The following LRMDA variants were observed in gnomAD, a reference collection of about 807,000 sequenced individuals.
The protein encoded by LRMDA is leucine rich melanocyte differentiation associated.
LRMDA carries 18 observed loss-of-function variants against 29.8 expected under a neutral mutation model. The observed-to-expected ratio is 0.60, with a 90% CI of 0.42 to 0.90. LRMDA has a LOEUF of 0.90. Ranked by LOEUF, LRMDA falls within the 40% of genes least tolerant of loss-of-function variation. The probability of loss-of-function intolerance (pLI) is 0.00; values close to 1 mark genes in which losing one functional copy is unlikely to be tolerated. For missense variants in LRMDA, 273 were observed against 273.9 expected, an observed-to-expected ratio of 1.00 and a Z score of 0.02; for synonymous variants, 125 against 109.4, an observed-to-expected ratio of 1.14 and a Z score of -0.89.
chr10:76,220,290 A>G (rs986570701), intron 5 of LRMDA, among the ~76,000 whole-genome samples: 14 of 152,206 alleles, frequency 9.2e-5, no homozygotes, highest in Non-Finnish European at 1.3e-4. Context: ...AAGGAAATAG[A>G]GACACAAAAA....
intron 2 of LRMDA, among the ~76,000 whole-genome samples, chr10:75,939,595 T>C (rs1846353608): frequency 6.6e-6 from 1 of 152,136 alleles, no homozygotes; most frequent in Non-Finnish European, 1.5e-5. Flanking sequence ...TTTGGACCCA[T>C]GGGAAAGAGA....
rs551821536 is a variant in LRMDA, at chr10:76,204,613, C to T, written c.517-119788C>T. The stretch of plus-strand genomic sequence containing the variant: ...CCTCAGATGGTATAGGGGAAAATTA[C>T]GACTAATCCCCAATTGTAGGTCCAG... On this transcript the variant is annotated intron_variant, in intron 5 of 6. Transcript: ENST00000611255. Among the ~76,000 whole-genome samples the T allele has an allele frequency of 1.3e-4, 20 of 152,230 alleles. No individual in the cohort carries two copies. The South Asian group carries it at 1.7e-3, about 13-fold the overall frequency.
At chr10:76,091,276 C>CGT (rs56145957) in intron 5 of LRMDA, among the ~76,000 whole-genome samples, 9,490 of 146,624 alleles carry the variant, frequency 0.065, 427 homozygotes, top group East Asian at 0.13. Flanking sequence ...ACATGGTGGA[C>CGT]GTGTGTGTGT....
chr10:75,678,879 G>C (rs534566091), intron 2 of LRMDA, among the ~76,000 whole-genome samples: 1 of 152,154 alleles, frequency 6.6e-6, no homozygotes, highest in South Asian at 2.1e-4. Context: ...CCAAGGACTC[G>C]AAGGATGTGG....
At chr10:75,491,886 C>T (rs2132061440) in intron 2 of LRMDA, among the ~76,000 whole-genome samples, 1 of 152,262 alleles carries the variant, frequency 6.6e-6, no homozygotes, top group East Asian at 1.9e-4. Context: ...AGAGGCAAAA[C>T]AATTGATAAA....
intron 5 of LRMDA, 144 bp from the exon 6 acceptor site, chr10:76,324,257 A>T (rs930472908): frequency 2.6e-6 from 2 of 759,256 alleles, no homozygotes; most frequent in African/African-American, 3.5e-5. Context: ...ATCTCAACAA[A>T]AACAGCTCTT....
intron 6 of LRMDA, among the ~76,000 whole-genome samples, chr10:76,532,489 T>C (rs1252704937): frequency 6.6e-6 from 1 of 152,164 alleles, no homozygotes; most frequent in East Asian, 1.9e-4. Context: ...CAAAGATGAG[T>C]CAGACAGTAT....
intron 2 of LRMDA, among the ~76,000 whole-genome samples, chr10:75,455,520 C>T (rs571625175): frequency 1.3e-5 from 2 of 152,312 alleles, no homozygotes; most frequent in Non-Finnish European, 2.9e-5. Flanking sequence ...TTTCAGTTCT[C>T]TCCTACTGGG....
chr10:75,562,298 T>C (rs958321056), intron 2 of LRMDA, among the ~76,000 whole-genome samples: 5 of 152,134 alleles, frequency 3.3e-5, no homozygotes, highest in Admixed American at 1.3e-4. Context: ...GCCTTCTTTG[T>C]CTCTTTTGAT....
chr10:76,258,019 G>A (rs559140156), intron 5 of LRMDA, among the ~76,000 whole-genome samples: 9 of 152,218 alleles, frequency 5.9e-5, no homozygotes, highest in Admixed American at 3.9e-4. Flanking sequence ...GCATTTCCTT[G>A]TATAACATTT....
At position 75,833,171 on chromosome 10, in the gene LRMDA, A is replaced by G. The variant is rs1844375911; in HGVS notation, c.132-202837A>G. On this transcript the variant is annotated intron_variant, in intron 2 of 6. Coordinates refer to ENST00000611255, the MANE Select transcript of LRMDA (RefSeq NM_001305581.2). ...TGCACCAGAAAATAGCACAAACGAC[A>G]TTGTTTAATGCATCCTAATTTTAAT... 2.0e-5 allele frequency among the ~76,000 whole-genome samples: 3 copies of G among 152,194 alleles called. 1 individual carries two copies. Among genetic ancestry groups the G allele is most frequent in the South Asian group, 4.1e-4 (2 of 4,830 alleles).
chr10:75,532,651 G>A (rs1405345403), intron 2 of LRMDA, among the ~76,000 whole-genome samples: 2 of 152,050 alleles, frequency 1.3e-5, no homozygotes, highest in African/African-American at 2.4e-5. Context: ...TTGAAGTCCT[G>A]CTTGAGTCAT....
At chr10:75,730,155 A>G (rs1010015754) in intron 2 of LRMDA, among the ~76,000 whole-genome samples, 1 of 152,036 alleles carries the variant, frequency 6.6e-6, no homozygotes, top group African/African-American at 2.4e-5. Context: ...TTCTTTTATA[A>G]CACACCACTA....
intron 2 of LRMDA, among the ~76,000 whole-genome samples, chr10:75,786,227 A>G (rs1439343803): frequency 6.6e-6 from 1 of 152,190 alleles, no homozygotes; most frequent in African/African-American, 2.4e-5. Context: ...GGGCGGTATG[A>G]AAAGTGTGGG....
intron 5 of LRMDA, among the ~76,000 whole-genome samples, chr10:76,303,585 G>A (rs1368211747): frequency 6.6e-6 from 1 of 152,098 alleles, no homozygotes; most frequent in Non-Finnish European, 1.5e-5. Context: ...CTATCATTTA[G>A]TGGGTAGTAC....
intron 5 of LRMDA, among the ~76,000 whole-genome samples, chr10:76,302,417 T>G (rs892885948): frequency 1.3e-5 from 2 of 152,202 alleles, no homozygotes; most frequent in African/African-American, 4.8e-5. Context: ...CAGGGTCACT[T>G]CCATTTTGTG....
chr10:76,246,129 G>A (rs958378439), intron 5 of LRMDA, among the ~76,000 whole-genome samples: 2 of 152,124 alleles, frequency 1.3e-5, no homozygotes, highest in African/African-American at 2.4e-5. Context: ...TTCCAGCAGT[G>A]AGCCAGGATT....
intron 2 of LRMDA, among the ~76,000 whole-genome samples, chr10:75,588,140 T>G (rs1006802637): frequency 1.3e-5 from 2 of 152,102 alleles, no homozygotes; most frequent in African/African-American, 4.8e-5. Context: ...GCCAGCAAGA[T>G]CTGAGAGAAG....
At chr10:76,265,448 C>T (rs938048675) in intron 5 of LRMDA, among the ~76,000 whole-genome samples, 4 of 152,162 alleles carry the variant, frequency 2.6e-5, no homozygotes, top group East Asian at 3.9e-4. Flanking sequence ...TCACACTCAG[C>T]GCAGCCGAAT....
Sources: allele counts gnomAD v4.1 joint callset (sites outside exome capture counted in the v4.1 genomes callset), GRCh38; gene constraint gnomAD v4.1.1; transcripts MANE v1.5; gene names NCBI Gene and HGNC (gene_info 2026-07-23, HGNC 2026-07-21).